The following BCAR3 variants were observed in gnomAD, a reference collection of about 807,000 sequenced individuals.
BCAR3 encodes the protein BCAR3 adaptor protein, NSP family member.
In BCAR3, 37 loss-of-function variants were observed where a neutral mutation model predicts 80.1. The observed-to-expected ratio is 0.46, with a 90% CI of 0.36 to 0.61. The LOEUF (loss-of-function observed/expected upper bound fraction) is 0.61. Ranked by LOEUF, BCAR3 falls within the 20% of genes least tolerant of loss-of-function variation. The probability of loss-of-function intolerance (pLI) is 0.00; values close to 1 mark genes in which losing one functional copy is unlikely to be tolerated. For missense variants in BCAR3, 978 were observed against 1,068.2 expected (o/e 0.92, Z 1.18); for synonymous variants, 389 against 418.9 (o/e 0.93, Z 0.87).
At chr1:93,730,952 T>C (rs1430014262) in intron 2 of BCAR3, among the ~76,000 whole-genome samples, 1 of 152,260 alleles carries the variant, frequency 6.6e-6, no homozygotes, top group Non-Finnish European at 1.5e-5. Flanking sequence ...ATAAGTCATG[T>C]GGGCAGCATG....
intron 3 of BCAR3, among the ~76,000 whole-genome samples, chr1:93,610,067 C>T (rs1674903037): frequency 1.3e-5 from 2 of 152,244 alleles, no homozygotes; most frequent in Non-Finnish European, 2.9e-5. Context: ...CAGCAGAGAT[C>T]CCCACTGGAC....
Position 93,608,029 on chromosome 1 carries a change from A to G in BCAR3, c.358-15636T>C, listed in dbSNP as rs1400502078. On this transcript the variant is annotated intron_variant, in intron 3 of 11. Coordinates refer to ENST00000260502, the MANE Select transcript of BCAR3 (RefSeq NM_003567.4). ...CTTCTGAGTCAGAGGCTGGATGGAT[A>G]GTTCCTCAAATCTCATCTTACTGAG... Among the ~76,000 whole-genome samples, 4 of 152,340 alleles carry G rather than the reference A, an allele frequency of 2.6e-5. No individual in the cohort carries two copies. In the East Asian group the frequency reaches 7.7e-4, roughly 29 times the overall value.
Position 93,756,393 on chromosome 1 carries a change from G to A in BCAR3, c.-62-50251C>T, listed in dbSNP as rs371548708. 3.9e-4 allele frequency among the ~76,000 whole-genome samples: 59 copies of A among 152,190 alleles called. 2 individuals are homozygous for A. In the East Asian group the frequency reaches 5.6e-3, roughly 14 times the overall value. On this transcript the variant is annotated intron_variant, in intron 2 of 13. Coordinates refer to the BCAR3 transcript ENST00000370244. Reference sequence around the variant, plus strand: ...ATCAACACCCCACCACCCTGAAGTCGTCCAGAACCCTCCTTTGCATGGGAC... The same window carrying A: ...ATCAACACCCCACCACCCTGAAGTCATCCAGAACCCTCCTTTGCATGGGAC...
intron 2 of BCAR3, among the ~76,000 whole-genome samples, chr1:93,769,355 ATGTGTGTGTG>A (rs59798936): frequency 0.093 from 11,142 of 119,842 alleles, 585 homozygotes; most frequent in East Asian, 0.18. Context: ...GTGGGTAGGA[ATGTGTGTGTG>A]TGTGTGTGTG....
At chr1:93,689,677 G>A (rs1414554637) in intron 3 of BCAR3, among the ~76,000 whole-genome samples, 4 of 152,136 alleles carry the variant, frequency 2.6e-5, no homozygotes, top group Non-Finnish European at 4.4e-5. Context: ...ACCTAGTGGC[G>A]ATGGCCACCT....
intron 2 of BCAR3, among the ~76,000 whole-genome samples, chr1:93,741,038 A>G (rs1405644547): frequency 2.6e-5 from 4 of 152,190 alleles, no homozygotes; most frequent in Admixed American, 2.0e-4. Context: ...TCTGAGCTAG[A>G]GTCCTTGCTC....
intron 2 of BCAR3, among the ~76,000 whole-genome samples, chr1:93,664,512 C>T (rs550231929): frequency 6.6e-6 from 1 of 152,322 alleles, no homozygotes; most frequent in African/African-American, 2.4e-5. Context: ...CAATTCAACT[C>T]CTTTTTCAGG....
At chr1:93,648,477 G>A (rs1253229391) in intron 2 of BCAR3, among the ~76,000 whole-genome samples, 1 of 152,012 alleles carries the variant, frequency 6.6e-6, no homozygotes, top group African/African-American at 2.4e-5. Context: ...TAAAAATTAA[G>A]GTCTTAAATG....
chr1:93,639,475 A>ATTTT (rs139593635), intron 3 of BCAR3, among the ~76,000 whole-genome samples: 3 of 128,118 alleles, frequency 2.3e-5, no homozygotes, highest in Non-Finnish European at 5.0e-5. Context: ...GGGGAGCAGC[A>ATTTT]TTTTTTTTTT....
intron 2 of BCAR3, among the ~76,000 whole-genome samples, chr1:93,758,280 C>T (rs1483676104): frequency 2.6e-5 from 4 of 152,200 alleles, no homozygotes; most frequent in South Asian, 2.1e-4. Context: ...TCTAGGTCAA[C>T]GCCTTGGCCT....
chr1:93,822,444 A>G (rs1288559501), intron 2 of BCAR3, among the ~76,000 whole-genome samples: 2 of 151,752 alleles, frequency 1.3e-5, no homozygotes, highest in Non-Finnish European at 2.9e-5. Context: ...GGTTCATGCG[A>G]TTCTCTTGCC....
intron 4 of BCAR3, among the ~76,000 whole-genome samples, chr1:93,591,168 T>TTAA (rs1553229758): frequency 3.0e-5 from 2 of 66,330 alleles, no homozygotes; most frequent in Non-Finnish European, 5.2e-5. Context: ...TCTACTACAT[T>TTAA]AAAAAAAAAA....
chr1:93,731,903 A>G (rs530540672), intron 2 of BCAR3, among the ~76,000 whole-genome samples: 1 of 152,282 alleles, frequency 6.6e-6, no homozygotes, highest in East Asian at 1.9e-4. Context: ...GGCAAAGAGA[A>G]GGAAGGTAGC....
chr1:93,563,412 C>T (rs559946629), intron 11 of BCAR3, among the ~76,000 whole-genome samples: 1 of 152,314 alleles, frequency 6.6e-6, no homozygotes, highest in Admixed American at 6.5e-5. Flanking sequence ...GTTTTATGGA[C>T]ATGCCATTGT....
rs566446788 is a variant in BCAR3 at position 93,831,029 on chromosome 1, C to T, written c.-63+14538G>A. Among the ~76,000 whole-genome samples, 7 of 152,224 alleles carry T rather than the reference C, an allele frequency of 4.6e-5. No individual in the cohort carries two copies. In the Middle Eastern group the frequency reaches 0.01, roughly 222 times the overall value. On this transcript the variant is annotated intron_variant, in intron 2 of 13. Transcript: ENST00000370244. ...AGAGACAAAGGAGACACATTTTATC[C>T]GTGGACCCAAAACTCTGGTGGCGGT...
chr1:93,654,606 C>A (rs1325384241), intron 2 of BCAR3, among the ~76,000 whole-genome samples: 1 of 152,318 alleles, frequency 6.6e-6, no homozygotes, highest in East Asian at 1.9e-4. Context: ...GTTTTTGTTA[C>A]ACAGCAAAGA....
Position 93,592,381 on chromosome 1 carries a change from T to C in BCAR3, c.370A>G (p.Arg124Gly). Residue 124 changes from arginine to glycine, a missense_variant, in exon 4 of 12, where the codon AGG becomes GGG. Physicochemically the swap from Arg to Gly is moderately radical, Grantham distance 125. Transcript: ENST00000260502. This position sits in a 1 kb window ranked among gnomAD's most constrained non-coding sequence, Gnocchi z 4.8. ...TCGGGGGTCCTGTCCATGATGTGCCTCTCCTTGGAGAACTGCAACACAGAG... is the reference window on the plus strand; with the variant it reads ...TCGGGGGTCCTGTCCATGATGTGCCCCTCCTTGGAGAACTGCAACACAGAG... ...TVEYVKFSKE[R>G]HIMDRTPEKL... 4 of 1,597,086 alleles carry C rather than the reference T, an allele frequency of 2.5e-6. No individual in the cohort carries two copies. Among genetic ancestry groups the C allele is most frequent in the Non-Finnish European group, 3.4e-6 (4 of 1,176,780 alleles).
rs201705203 is a variant in BCAR3 at position 93,589,211 on chromosome 1, C to T, written c.695G>A (p.Arg232His). 575 of 1,613,872 alleles carry T rather than the reference C, an allele frequency of 3.6e-4. 1 individual carries two copies. Among genetic ancestry groups the T allele is most frequent in the East Asian group, 3.1e-3 (139 of 44,880 alleles). ...ESFDSIPGLV[R>H]CYVGNRRPIS... ...GGGCCGGCGGTTGCCCACGTAGCAG[C>T]GCACCAGGCCGGGGATGGAGTCGAA... The change falls in exon 5 of 12, where the codon CGC (arginine) becomes CAC (histidine). Residue 232 changes from arginine (R) to histidine (H), a missense_variant. Coordinates refer to ENST00000260502, the MANE Select transcript of BCAR3 (RefSeq NM_003567.4).
chr1:93,611,709 G>A (rs1186275233), intron 3 of BCAR3, among the ~76,000 whole-genome samples: 1 of 152,132 alleles, frequency 6.6e-6, no homozygotes, highest in Non-Finnish European at 1.5e-5. Flanking sequence ...CTGTAAGACC[G>A]CTGCAAATAA....
Sources: allele counts gnomAD v4.1 joint callset (sites outside exome capture counted in the v4.1 genomes callset), GRCh38; gene constraint gnomAD v4.1.1; non-coding constraint Gnocchi (gnomAD v3.1); transcripts MANE v1.5; gene names NCBI Gene and HGNC (gene_info 2026-07-23, HGNC 2026-07-21).